The following CCDC186 variants were observed in gnomAD, a reference collection of about 807,000 sequenced individuals.
The protein encoded by CCDC186 is coiled-coil domain-containing protein 186.
In CCDC186, 49 loss-of-function variants were observed where a neutral mutation model predicts 113.7. That is an observed-to-expected ratio of 0.43 (90% CI 0.34 to 0.55). The LOEUF (loss-of-function observed/expected upper bound fraction) is 0.55, where lower values mean the gene tolerates loss of function less well. Ranked by LOEUF, CCDC186 falls within the 20% of genes least tolerant of loss-of-function variation. The pLI is 0.02. For synonymous variants in CCDC186, 355 were observed against 345.8 expected, an observed-to-expected ratio of 1.03 and a Z score of -0.30; for missense variants, 890 against 1,011.1, an observed-to-expected ratio of 0.88 and a Z score of 1.62.
At chr10:114,147,798 T>C (rs1369990378) in intron 4 of CCDC186, among the ~76,000 whole-genome samples, 2 of 151,854 alleles carry the variant, frequency 1.3e-5, no homozygotes, top group African/African-American at 2.4e-5. Context: ...TAGAAAATAA[T>C]CAAAAAAAGA....
chr10:114,162,582 C>T (rs952770916), intron 2 of CCDC186, 55 bp downstream of exon 2: 9 of 1,285,308 alleles, frequency 7.0e-6, no homozygotes, highest in African/African-American at 1.5e-5. Context: ...AATTTTATCT[C>T]GAATCCCTGT....
chr10:114,147,137 C>G lies in CCDC186; in HGVS notation c.889-1376G>C, dbSNP rs1030539303. ...ATTTTTAGACAACTGAATATCTGTA[C>G]TTAGAAAAAGTCAATAGCTCAATGT... On this transcript the variant is annotated intron_variant, in intron 4 of 15. Coordinates refer to ENST00000369287, the MANE Select transcript of CCDC186 (RefSeq NM_018017.4). Among the ~76,000 whole-genome samples, 92 of 152,240 alleles carry G rather than the reference C, an allele frequency of 6.0e-4. 1 individual carries two copies. The highest frequency in any genetic ancestry group is 2.2e-3 in the African/African-American group (90 of 41,546).
intron 7 of CCDC186, 124 bp from the exon 8 acceptor site, chr10:114,136,370 A>T (rs2031262448): frequency 4.8e-6 from 3 of 627,324 alleles, no homozygotes. Flanking sequence ...GATAAGAGAC[A>T]AGTTCTGTTT....
At chr10:114,154,007 C>T (rs570802659) in intron 3 of CCDC186, among the ~76,000 whole-genome samples, 9 of 151,498 alleles carry the variant, frequency 5.9e-5, no homozygotes, top group Middle Eastern at 3.4e-3. Context: ...CTCACAAGTT[C>T]GAGACGAGCC....
In CCDC186 at chr10:114,135,183, G is replaced by A. The variant is rs192847584; in HGVS notation, c.1513-128C>T. 1.7e-5 allele frequency: 16 copies of A among 925,314 alleles called. No homozygotes were observed. The African/African-American group carries it at 1.7e-4, about 10-fold the overall frequency. The allele number at this position is 925,314 out of a possible 1,614,324, so 57.3% of individuals were successfully genotyped here. ...CATTAACGTGAAGAAAATATAATGC[G>A]AAGTTTACAATCCTAGCTTTTAGTC... On this transcript the variant is annotated intron_variant, in intron 9 of 15. Transcript: ENST00000369287.
chr10:114,130,155 G>T (rs1163951507), intron 12 of CCDC186, 184 bp from the exon 13 acceptor site: 5 of 463,296 alleles, frequency 1.1e-5, no homozygotes, highest in Non-Finnish European at 1.9e-5. Flanking sequence ...TAAAAGTCAA[G>T]TACAAAATAT....
chr10:114,134,976 G>A lies in CCDC186; in HGVS notation c.1592C>T (p.Ala531Val). Residue 531 changes from alanine to valine, a missense_variant, in exon 10 of 16, where the codon GCT (alanine) becomes GTT (valine). Coordinates refer to ENST00000369287, the MANE Select transcript of CCDC186 (RefSeq NM_018017.4). ...CTTGTCCAATAAATTCTGAATTTCA[G>A]CTTTTTGGCGATTAATAATTTCCTT... ...KYKEIINRQK[A>V]EIQNLLDKVK... The A allele has an allele frequency of 1.9e-6, 3 of 1,612,298 alleles. No homozygotes were observed. Among genetic ancestry groups the A allele is most frequent in the Non-Finnish European group, 2.5e-6 (3 of 1,179,430 alleles).
rs2030768055 is a variant in CCDC186, at chr10:114,122,727, C to G, written c.*2416G>C. ...TGTGAATTAGTATAGAGATAAGTAT[C>G]TCTGATACATGTAATTACTTTGCTC... On this transcript the variant is annotated 3_prime_UTR_variant, in exon 16 of 16. Coordinates refer to ENST00000369287, the MANE Select transcript of CCDC186 (RefSeq NM_018017.4). 1 of 152,142 alleles carries G rather than the reference C, an allele frequency of 6.6e-6. No homozygotes were observed. The highest frequency in any genetic ancestry group is 2.4e-5 in the African/African-American group (1 of 41,434). 9.4% of individuals were successfully genotyped at this position (152,142 alleles called of 1,614,324 possible). A position where few individuals can be genotyped will look rare whatever the true frequency, so the allele number is the denominator to read the frequency against.
At chr10:114,140,278 A>C (rs992722368) in intron 6 of CCDC186, among the ~76,000 whole-genome samples, 5 of 152,236 alleles carry the variant, frequency 3.3e-5, no homozygotes, top group Admixed American at 6.5e-5. Flanking sequence ...CTCATTGAGA[A>C]GGTGCTAGGT....
intron 1 of CCDC186, chr10:114,165,968 A>ATT: frequency 2.7e-5 from 24 of 877,250 alleles, no homozygotes; most frequent in Non-Finnish European, 3.1e-5. Flanking sequence ...TTGTGACTTC[A>ATT]TTTTTTTTTT....
intron 3 of CCDC186, 53 bp downstream of exon 3, chr10:114,157,501 G>C (rs187111555): frequency 6.6e-7 from 1 of 1,506,150 alleles, no homozygotes; most frequent in Admixed American, 2.2e-5. Flanking sequence ...TGCCAGGAAT[G>C]TATTTATTTT....
At chr10:114,148,168 T>C (rs555391146) in intron 4 of CCDC186, among the ~76,000 whole-genome samples, 6 of 152,146 alleles carry the variant, frequency 3.9e-5, no homozygotes, top group South Asian at 2.1e-4. Flanking sequence ...GTCTTCACTA[T>C]AGCAGGGAAT....
chr10:114,150,652 C>T (rs1429796826), intron 4 of CCDC186, among the ~76,000 whole-genome samples: 1 of 151,868 alleles, frequency 6.6e-6, no homozygotes, highest in African/African-American at 2.4e-5. Flanking sequence ...TTTTTAATGA[C>T]TTACTATTTT....
chr10:114,128,068 T>C (rs1175317752), intron 13 of CCDC186, among the ~76,000 whole-genome samples: 1 of 152,196 alleles, frequency 6.6e-6, no homozygotes, highest in Admixed American at 6.5e-5. Flanking sequence ...TAGGTTCAAA[T>C]ACTACTCCTC....
intron 6 of CCDC186, among the ~76,000 whole-genome samples, chr10:114,141,671 G>A (rs754105025): frequency 1.1e-4 from 16 of 151,746 alleles, no homozygotes; most frequent in Middle Eastern, 3.2e-3. Context: ...ACGCACGCAC[G>A]CACACATGTA....
chr10:114,172,943 T>G (rs2032552126), intron 1 of CCDC186, among the ~76,000 whole-genome samples: 1 of 152,208 alleles, frequency 6.6e-6, no homozygotes, highest in Admixed American at 6.5e-5. Flanking sequence ...ACTTGATAGT[T>G]GGGAAAGCCA....
chr10:114,125,738 A>C, intron 15 of CCDC186, 148 bp downstream of exon 15: 2 of 628,518 alleles, frequency 3.2e-6, no homozygotes, highest in Non-Finnish European at 5.3e-6. Flanking sequence ...TATACTTTTT[A>C]AAAAGAGAAA....
chr10:114,139,232 TG>T (rs60115608), intron 6 of CCDC186, among the ~76,000 whole-genome samples: 149,890 of 149,892 alleles, frequency 1, 74,944 homozygotes, highest in Middle Eastern at 1. Context: ...TTCCTCCACA[TG>T]GGAATGCCTT....
At chr10:114,145,809 T>C (rs778621601) in intron 4 of CCDC186, 48 bp from the exon 5 acceptor site, 6 of 1,488,540 alleles carry the variant, frequency 4.0e-6, no homozygotes, top group South Asian at 4.0e-5. Context: ...ATGTTTCAAA[T>C]GGAAATGTAT....
Sources: allele counts gnomAD v4.1 joint callset (sites outside exome capture counted in the v4.1 genomes callset), GRCh38; gene constraint gnomAD v4.1.1; transcripts MANE v1.5; gene names NCBI Gene and HGNC (gene_info 2026-07-23, HGNC 2026-07-21).